Variants in WDR17 observed in about 807,000 individuals in gnomAD.
WDR17 encodes the protein WD repeat domain 17.
WDR17 carries 143 observed loss-of-function variants against 161.7 expected under a neutral mutation model. That is an observed-to-expected ratio of 0.88 (90% CI 0.77 to 1.02). The LOEUF (loss-of-function observed/expected upper bound fraction) is 1.02, where lower values mean the gene tolerates loss of function less well. Ranked by LOEUF, WDR17 falls within the 50% of genes least tolerant of loss-of-function variation. The pLI, the probability that WDR17 is intolerant of heterozygous loss-of-function variation, is 0.00. For synonymous variants in WDR17, 517 were observed against 515.6 expected, an observed-to-expected ratio of 1.00 and a Z score of -0.04; for missense variants, 1,469 against 1,520.9, an observed-to-expected ratio of 0.97 and a Z score of 0.57.
chr4:176,106,539 A>G (rs1561107029), intron 1 of WDR17, among the ~76,000 whole-genome samples: 2 of 152,224 alleles, frequency 1.3e-5, no homozygotes, highest in African/African-American at 4.8e-5. Flanking sequence ...AAAACAGAGG[A>G]CAAAGCTTCA....
chr4:176,137,707 A>T, intron 9 of WDR17, 96 bp downstream of exon 9: 1 of 674,372 alleles, frequency 1.5e-6, no homozygotes, highest in Non-Finnish European at 2.2e-6. Context: ...ATATCACTTA[A>T]TAATCAGGTG....
Position 176,177,571 on chromosome 4 carries a change from A to T in WDR17, c.3649A>T (p.Ile1217Phe), listed in dbSNP as rs1382131940. The T allele has an allele frequency of 6.3e-7, 1 of 1,597,050 alleles. No individual in the cohort carries two copies. The highest frequency in any genetic ancestry group is 8.5e-7 in the Non-Finnish European group (1 of 1,176,030). The change falls in exon 28 of 29, where the codon ATT becomes TTT. Residue 1217 changes from isoleucine to phenylalanine, a missense_variant. Coordinates refer to ENST00000508596, the MANE Select transcript of WDR17 (RefSeq NM_181265.4). The part of the protein sequence containing the change: ...RLKEESLKGI[I>F]GPDYVTGSNL... ...AAAAGAAGAGTCACTGAAAGGAATT[A>T]TTGGACCAGATTATGTGACTGGATC... is the stretch of plus-strand genomic sequence containing the variant.
chr4:176,155,712 T>A (rs1747996275), intron 17 of WDR17, among the ~76,000 whole-genome samples: 1 of 109,378 alleles, frequency 9.1e-6, no homozygotes, highest in Non-Finnish European at 2.0e-5. Context: ...ATCTGACTAA[T>A]TAAAATATAT....
At chr4:176,168,967 A>T (rs550811530) in intron 23 of WDR17, among the ~76,000 whole-genome samples, 184 bp downstream of exon 23, 4 of 152,230 alleles carry the variant, frequency 2.6e-5, no homozygotes, top group African/African-American at 7.2e-5. Context: ...TGTGCTTGGC[A>T]CTCTTCTAAA....
At chr4:176,097,748 C>T (rs1020999056) in intron 1 of WDR17, among the ~76,000 whole-genome samples, 229 of 147,306 alleles carry the variant, frequency 1.6e-3, no homozygotes, top group African/African-American at 5.2e-3. Flanking sequence ...CACATACACA[C>T]ACACACACAC....
intron 1 of WDR17, 38 bp downstream of exon 1, chr4:176,066,117 G>C (rs1226889177): frequency 6.6e-6 from 1 of 152,468 alleles, no homozygotes; most frequent in East Asian, 1.9e-4. Flanking sequence ...ACCAAGGCAA[G>C]CTCAGGATTG....
chr4:176,132,060 G>T (rs543113823), intron 7 of WDR17, among the ~76,000 whole-genome samples: 107 of 152,148 alleles, frequency 7.0e-4, no homozygotes, highest in Non-Finnish European at 1.3e-3. Flanking sequence ...GTTGATCTCT[G>T]CCAGTTGCTC....
At chr4:176,143,540 C>T (rs1745656169) in intron 11 of WDR17, among the ~76,000 whole-genome samples, 1 of 150,550 alleles carries the variant, frequency 6.6e-6, no homozygotes, top group Admixed American at 6.6e-5. Flanking sequence ...ATTAGTCAAA[C>T]TGGTGGGGCA....
chr4:176,066,502 G>A (rs1212157179), intron 1 of WDR17, among the ~76,000 whole-genome samples: 1 of 152,118 alleles, frequency 6.6e-6, no homozygotes, highest in African/African-American at 2.4e-5. Flanking sequence ...AGAAAGGTTT[G>A]AGTAAAAAGG....
rs375779659 is a variant in WDR17, at chr4:176,139,981, A to G, written c.1442+7A>G. The G allele has an allele frequency of 2.7e-5, 43 of 1,599,154 alleles. No homozygotes were observed. In the African/African-American group the frequency reaches 5.4e-4, roughly 20 times the overall value. On this transcript the variant is annotated splice_region_variant and intron_variant, in intron 10 of 28. Coordinates refer to ENST00000508596, the MANE Select transcript of WDR17 (RefSeq NM_181265.4). ...GCAGCAGTGATGGTTTCTGGTAAGT[A>G]CTATGTATGATACATGATATGAAAT...
chr4:176,079,339 G>A (rs539130687), intron 1 of WDR17, among the ~76,000 whole-genome samples: 1 of 152,218 alleles, frequency 6.6e-6, no homozygotes, highest in Non-Finnish European at 1.5e-5. Flanking sequence ...ACATGGGAGT[G>A]GAGATATCTT....
chr4:176,182,754 TTA>T lies in WDR17; in HGVS notation c.*3179_*3180del. The T allele has an allele frequency of 6.6e-6, 1 of 152,268 alleles. No individual in the cohort carries two copies. Among genetic ancestry groups the T allele is most frequent in the South Asian group, 2.1e-4 (1 of 4,820 alleles). The allele number at this position is 152,268 out of a possible 1,614,324, so 9.4% of individuals were successfully genotyped here. ...TAATTTGGCATGTCATTATCTAGAT[TTA>T]TATGTATGTACGTATTTCAGGTCCT... On this transcript the variant is annotated 3_prime_UTR_variant, in exon 29 of 29. Coordinates refer to ENST00000508596, the MANE Select transcript of WDR17 (RefSeq NM_181265.4). The surrounding 1 kb of genome is among the most constrained non-coding windows in gnomAD (Gnocchi z 4.2).
chr4:176,177,079 G>C lies in WDR17; in HGVS notation c.3471G>C (p.Glu1157Asp), dbSNP rs771534270. 2 of 1,613,800 alleles carry C rather than the reference G, an allele frequency of 1.2e-6. No individual in the cohort carries two copies. Among genetic ancestry groups the C allele is most frequent in the Non-Finnish European group, 1.7e-6 (2 of 1,179,828 alleles). Residue 1157 changes from glutamate to aspartate, a missense_variant, in exon 27 of 29, where the codon GAG becomes GAC. By Grantham distance (45) the Glu-to-Asp change is conservative. Coordinates refer to ENST00000508596, the MANE Select transcript of WDR17 (RefSeq NM_181265.4). Reference sequence around the variant, plus strand: ...TCAGTCAGCTATTAAAACGTCGGGAGGTGTCAGTACCTTTAAAAATTGAAT... The same window carrying C: ...TCAGTCAGCTATTAAAACGTCGGGACGTGTCAGTACCTTTAAAAATTGAAT... ...EYTSQLLKRR[E>D]VSVPLKIEYL...
At chr4:176,178,096 T>C (rs1333004399) in intron 28 of WDR17, among the ~76,000 whole-genome samples, 2 of 144,232 alleles carry the variant, frequency 1.4e-5, no homozygotes, top group African/African-American at 5.2e-5. Flanking sequence ...TAATGTAATG[T>C]GAAAAGTCAC....
rs1367772224 is a variant in WDR17, at chr4:176,179,584, A to C, written c.*5A>C. On this transcript the variant is annotated 3_prime_UTR_variant, in exon 29 of 29. Coordinates refer to ENST00000508596, the MANE Select transcript of WDR17 (RefSeq NM_181265.4). ...ATACGACTCAATCCATTCTGATAGA[A>C]GATTTTTGTCCATGCTTGATTTTTT... The C allele has an allele frequency of 6.5e-7, 1 of 1,543,514 alleles. No homozygotes were observed. Among genetic ancestry groups the C allele is most frequent in the Admixed American group, 2.0e-5 (1 of 50,786 alleles).
At chr4:176,093,254 G>T (rs867771781) in intron 1 of WDR17, among the ~76,000 whole-genome samples, 2 of 151,244 alleles carry the variant, frequency 1.3e-5, no homozygotes, top group Non-Finnish European at 3.0e-5. Context: ...TAAAATGTCT[G>T]TACTACCCAA....
intron 21 of WDR17, 151 bp from the exon 22 acceptor site, chr4:176,163,003 A>G (rs1349530409): frequency 3.8e-6 from 4 of 1,047,006 alleles, no homozygotes; most frequent in Non-Finnish European, 5.4e-6. Flanking sequence ...ACGCTTACAT[A>G]GCTACTTTAT....
intron 28 of WDR17, 71 bp from the exon 29 acceptor site, chr4:176,179,389 T>A: frequency 7.4e-7 from 1 of 1,344,660 alleles, no homozygotes; most frequent in South Asian, 2.3e-5. Flanking sequence ...AGTGATTCTC[T>A]TTCTGAAAGT....
In WDR17 at chr4:176,128,717, CT is replaced by C; in HGVS notation, c.791-16del. 6.3e-7 allele frequency: 1 copy of C among 1,586,710 alleles called. No individual in the cohort carries two copies. Among genetic ancestry groups the C allele is most frequent in the Non-Finnish European group, 8.5e-7 (1 of 1,172,428 alleles). ...TTCATACAAAACTTGTTAAAATGTG[CT>C]TTTTCCCTGATCTGACTAGATTCTC... On this transcript the variant is annotated intron_variant, in intron 5 of 28. Transcript: ENST00000508596.
Sources: allele counts gnomAD v4.1 joint callset (sites outside exome capture counted in the v4.1 genomes callset), GRCh38; gene constraint gnomAD v4.1.1; non-coding constraint Gnocchi (gnomAD v3.1); transcripts MANE v1.5; gene names NCBI Gene and HGNC (gene_info 2026-07-23, HGNC 2026-07-21).